The following ATP8B4 variants were observed in gnomAD, a reference collection of about 807,000 sequenced individuals.
ATP8B4 encodes ATPase phospholipid transporting 8B4 (putative), also known as probable phospholipid-transporting ATPase IM.
A neutral mutation model predicts 145.6 loss-of-function variants in ATP8B4; 133 were observed. The ratio of observed to expected loss-of-function variants is 0.91; its 90% CI spans 0.79 to 1.05. The LOEUF (loss-of-function observed/expected upper bound fraction) is 1.05, where lower values mean the gene tolerates loss of function less well. ATP8B4 is among the 50% of genes least tolerant of loss of function. ATP8B4 has a pLI of 0.00. For synonymous variants in ATP8B4, 507 were observed against 492.9 expected (o/e 1.03, Z -0.38); for missense variants, 1,458 against 1,425.2 (o/e 1.02, Z -0.37).
rs980449990 is a variant in ATP8B4, at chr15:49,901,170, C to A, written c.2211G>T (p.Lys737Asn). 3.0e-5 allele frequency: 48 copies of A among 1,613,398 alleles called. No homozygotes were observed. Among genetic ancestry groups the A allele is most frequent in the Non-Finnish European group, 4.1e-5 (48 of 1,179,600 alleles). Residue 737 changes from lysine to asparagine, a missense_variant, in exon 21 of 28, where the codon AAG becomes AAT. Physicochemically the swap from Lys to Asn is moderately conservative, Grantham distance 94. Coordinates refer to ENST00000284509, the MANE Select transcript of ATP8B4 (RefSeq NM_024837.4). ...CAATAGAATCCAACTCCAGCTGCTG[C>A]TTTTTTTCACAAACTACATGGCCAT... ...FSNGHVVCEKKQQLELDSIVE... is the reference protein window; with the variant it reads ...FSNGHVVCEKNQQLELDSIVE...
chr15:49,904,321 A>C (rs1394340504), intron 20 of ATP8B4, among the ~76,000 whole-genome samples: 1 of 152,180 alleles, frequency 6.6e-6, no homozygotes, highest in African/African-American at 2.4e-5. Context: ...ACCCTACCTG[A>C]GAGACCTTTA....
intron 10 of ATP8B4, among the ~76,000 whole-genome samples, chr15:49,986,607 GGTCA>G (rs2046621155): frequency 6.6e-6 from 1 of 152,266 alleles, no homozygotes; most frequent in South Asian, 2.1e-4. Flanking sequence ...TGTTGAGGAA[GGTCA>G]GTTAAGAAAA....
Position 49,987,516 on chromosome 15 carries a change from A to C in ATP8B4, c.623T>G (p.Leu208Ter), listed in dbSNP as rs201312247. 1 of 1,613,812 alleles carries C rather than the reference A, an allele frequency of 6.2e-7. No homozygotes were observed. Among genetic ancestry groups the C allele is most frequent in the Non-Finnish European group, 8.5e-7 (1 of 1,179,798 alleles). ...AGAAAGGATTCCCATGAATTTATCTAACTTGTTGTTAGGCACCTCACAGAC... is the reference window on the plus strand; with the variant it reads ...AGAAAGGATTCCCATGAATTTATCTCACTTGTTGTTAGGCACCTCACAGAC... ...IVVCEVPNNK[L>*]DKFMGILSWK... The change falls in exon 10 of 28, where the codon TTA becomes TGA. Residue 208 changes from leucine (L) to a stop codon, truncating the protein, a stop_gained. Coordinates refer to ENST00000284509, the MANE Select transcript of ATP8B4 (RefSeq NM_024837.4). LOFTEE classifies it high-confidence loss of function.
At chr15:49,994,982 C>A (rs988503697) in intron 9 of ATP8B4, among the ~76,000 whole-genome samples, 4 of 152,074 alleles carry the variant, frequency 2.6e-5, no homozygotes, top group African/African-American at 4.8e-5. Context: ...TGCCATTAGT[C>A]CAGATACTGT....
intron 24 of ATP8B4, among the ~76,000 whole-genome samples, chr15:49,877,805 A>G (rs1200940161): frequency 6.6e-6 from 1 of 152,226 alleles, no homozygotes; most frequent in Non-Finnish European, 1.5e-5. Context: ...ATCGTAAGTA[A>G]TAAATATGCC....
At position 49,876,470 on chromosome 15, in the gene ATP8B4, C is replaced by T. The variant is rs776794675; in HGVS notation, c.2835G>A (p.Gln945=). 3 of 1,614,138 alleles carry T rather than the reference C, an allele frequency of 1.9e-6. No homozygotes were observed. The highest frequency in any genetic ancestry group is 2.5e-6 in the Non-Finnish European group (3 of 1,179,976). The change falls in exon 25 of 28, where the codon CAG becomes CAA. Residue 945 remains glutamine, a synonymous_variant. Transcript: ENST00000284509. ...VDCPQLYKPG[Q]LNLLFNKRKF... The stretch of plus-strand genomic sequence containing the variant: ...TACGCTTGTTAAAAAGCAGATTCAG[C>T]TGTCCTGGTTTGTAGAGCTGGGGAC...
At chr15:49,916,858 C>G in intron 20 of ATP8B4, 76 bp downstream of exon 20, 1 of 1,368,908 alleles carries the variant, frequency 7.3e-7, no homozygotes, top group Non-Finnish European at 1.0e-6. Context: ...TAGCTTTTCA[C>G]TTTCTCAACT....
intron 20 of ATP8B4, among the ~76,000 whole-genome samples, chr15:49,904,383 C>A (rs1176656998): frequency 1.3e-5 from 2 of 152,054 alleles, no homozygotes; most frequent in Non-Finnish European, 2.9e-5. Context: ...GAAATGGGAC[C>A]AGCCAGTCAG....
chr15:50,093,174 T>G (rs1600332879), intron 2 of ATP8B4, among the ~76,000 whole-genome samples: 1 of 151,746 alleles, frequency 6.6e-6, no homozygotes, highest in East Asian at 1.9e-4. Context: ...ATAGAATTCA[T>G]TACCAGCATT....
chr15:50,094,936 A>T (rs1388752958), intron 2 of ATP8B4, among the ~76,000 whole-genome samples: 1 of 152,090 alleles, frequency 6.6e-6, no homozygotes, highest in Non-Finnish European at 1.5e-5. Flanking sequence ...GATCAGCAGA[A>T]TCTGGTACCA....
intron 23 of ATP8B4, among the ~76,000 whole-genome samples, chr15:49,891,838 G>A (rs1002766652): frequency 2.6e-5 from 4 of 152,086 alleles, no homozygotes; most frequent in Non-Finnish European, 5.9e-5. Context: ...ATCTTGGGCC[G>A]GGCACAGTGG....
intron 1 of ATP8B4, among the ~76,000 whole-genome samples, chr15:50,155,429 G>T (rs2044397802): frequency 6.6e-6 from 1 of 152,024 alleles, no homozygotes; most frequent in South Asian, 2.1e-4. Flanking sequence ...GAAGAAAAAA[G>T]ATAAAACTGT....
chr15:50,007,362 C>G (rs1049729829), intron 7 of ATP8B4, among the ~76,000 whole-genome samples: 1 of 152,168 alleles, frequency 6.6e-6, no homozygotes, highest in Non-Finnish European at 1.5e-5. Flanking sequence ...ATGACTGTTC[C>G]AATGGAGTAA....
intron 2 of ATP8B4, among the ~76,000 whole-genome samples, chr15:50,083,933 A>T (rs1266502198): frequency 1.3e-5 from 2 of 152,230 alleles, no homozygotes; most frequent in Non-Finnish European, 2.9e-5. Context: ...AAGTGTTTTC[A>T]TGCCCACAGA....
intron 6 of ATP8B4, among the ~76,000 whole-genome samples, chr15:50,021,315 C>T (rs558891270): frequency 2.6e-5 from 4 of 152,308 alleles, no homozygotes; most frequent in African/African-American, 4.8e-5. Flanking sequence ...CAGAAGCCAG[C>T]GAAATCTTTT....
chr15:50,043,923 G>T (rs71469675), intron 5 of ATP8B4, among the ~76,000 whole-genome samples: 1 of 146,938 alleles, frequency 6.8e-6, no homozygotes, highest in Non-Finnish European at 1.5e-5. Context: ...ACTGCAGTCC[G>T]CAGTCCGGCC....
At chr15:49,863,588 G>C (rs1372012165) in intron 26 of ATP8B4, among the ~76,000 whole-genome samples, 4 of 152,172 alleles carry the variant, frequency 2.6e-5, no homozygotes, top group Non-Finnish European at 5.9e-5. Context: ...TTGGGTATGA[G>C]GGCTTGGCTA....
upstream of ATP8B4, among the ~76,000 whole-genome samples, chr15:50,122,046 CAACTAT>C (rs2057275553): frequency 6.6e-6 from 1 of 152,188 alleles, no homozygotes; most frequent in African/African-American, 2.4e-5. Context: ...TGAAACCACA[CAACTAT>C]AAGTCTAATA....
At chr15:50,078,281 A>G (rs141826316) in intron 2 of ATP8B4, among the ~76,000 whole-genome samples, 8 of 151,846 alleles carry the variant, frequency 5.3e-5, no homozygotes, top group Admixed American at 4.6e-4. Context: ...CCTGGGTTCA[A>G]ACCGTCCTCT....
Sources: gnomAD v4.1 joint callset for allele counts (sites outside exome capture counted in the v4.1 genomes callset) on GRCh38, gnomAD v4.1.1 for gene constraint, MANE v1.5 for transcripts, NCBI Gene and HGNC (gene_info 2026-07-23, HGNC 2026-07-21) for gene names.